The following MEF2D variants were observed in gnomAD, a reference collection of about 807,000 sequenced individuals.
MEF2D encodes the protein myocyte enhancer factor 2D, also known as myocyte-specific enhancer factor 2D.
In MEF2D, 10 loss-of-function variants were observed where a neutral mutation model predicts 59.3. The observed-to-expected ratio is 0.17, with a 90% CI of 0.10 to 0.29. MEF2D has a LOEUF of 0.29. Among genes scored for constraint, MEF2D ranks in the 10% least tolerant of loss-of-function variants. The pLI, the probability that MEF2D is intolerant of heterozygous loss-of-function variation, is 1.00. For synonymous variants in MEF2D, 305 were observed against 295.0 expected (o/e 1.03, Z -0.35); for missense variants, 508 against 699.4 (o/e 0.73, Z 3.09).
chr1:156,499,423 A>AG (rs929623322), intron 1 of MEF2D: 8 of 152,168 alleles, frequency 5.3e-5, no homozygotes, highest in African/African-American at 1.7e-4. Flanking sequence ...CCCATTCAGA[A>AG]GGGCAAACCT....
chr1:156,494,044 G>A (rs1228559663), intron 1 of MEF2D, among the ~76,000 whole-genome samples: 1 of 152,156 alleles, frequency 6.6e-6, no homozygotes, highest in Non-Finnish European at 1.5e-5. Flanking sequence ...ATAGGTTAAG[G>A]AGAGAGGTGA....
At chr1:156,483,782 C>T (rs988748125) in intron 1 of MEF2D, among the ~76,000 whole-genome samples, 1 of 152,226 alleles carries the variant, frequency 6.6e-6, no homozygotes, top group African/African-American at 2.4e-5. Context: ...GCTCCAGCTG[C>T]TCCTCTGGCC....
rs1339185744 is a variant in MEF2D at position 156,492,734 on chromosome 1, GTC to G, written c.-139+7750_-139+7751del. Among the ~76,000 whole-genome samples, 27 of 152,334 alleles carry G rather than the reference GTC, an allele frequency of 1.8e-4. No homozygotes were observed. In the South Asian group the frequency reaches 2.5e-3, roughly 14 times the overall value. ...TGGGGGCGGTTGGGACGGTTAGTGTGTCACCTTCCACCTCCCCAACACAACTT... is the reference window on the plus strand; with the variant it reads ...TGGGGGCGGTTGGGACGGTTAGTGTGACCTTCCACCTCCCCAACACAACTT... On this transcript the variant is annotated intron_variant, in intron 1 of 11. Coordinates refer to ENST00000348159, the MANE Select transcript of MEF2D (RefSeq NM_005920.4).
At chr1:156,470,915 G>A (rs1366746612) in intron 9 of MEF2D, among the ~76,000 whole-genome samples, 1 of 152,154 alleles carries the variant, frequency 6.6e-6, no homozygotes, top group African/African-American at 2.4e-5. Flanking sequence ...GCTAAGACAG[G>A]ACCCCAGGAC....
intron 6 of MEF2D, 21 bp downstream of exon 6, chr1:156,479,269 T>G (rs1397093305): frequency 2.5e-6 from 4 of 1,599,260 alleles, no homozygotes. Context: ...CACCTCCAGG[T>G]AGAAGGATGA....
chr1:156,499,787 C>G (rs1014217034), intron 1 of MEF2D, among the ~76,000 whole-genome samples: 1 of 152,132 alleles, frequency 6.6e-6, no homozygotes, highest in Non-Finnish European at 1.5e-5. Flanking sequence ...CATCAGGGGT[C>G]TCGGAAGCGG....
intron 9 of MEF2D, among the ~76,000 whole-genome samples, chr1:156,469,895 T>C (rs1305191675): frequency 6.6e-6 from 1 of 151,554 alleles, no homozygotes; most frequent in South Asian, 2.1e-4. Flanking sequence ...AAAAAAATCA[T>C]GTGTAGGTAT....
chr1:156,478,526 G>A (rs1671767713), intron 6 of MEF2D, among the ~76,000 whole-genome samples: 1 of 152,130 alleles, frequency 6.6e-6, no homozygotes, highest in Non-Finnish European at 1.5e-5. Flanking sequence ...CCTTTCTTCT[G>A]TGGCTTATTT....
At chr1:156,498,475 A>G (rs1397360864) in intron 1 of MEF2D, among the ~76,000 whole-genome samples, 1 of 152,058 alleles carries the variant, frequency 6.6e-6, no homozygotes, top group African/African-American at 2.4e-5. Flanking sequence ...CCTACTATGA[A>G]GTTGTGCCTA....
chr1:156,483,257 G>A lies in MEF2D; in HGVS notation c.36C>T (p.Thr12=), dbSNP rs753966816. 1.3e-5 allele frequency: 21 copies of A among 1,613,924 alleles called. No homozygotes were observed. The highest frequency in any genetic ancestry group is 1.6e-4 in the Middle Eastern group (1 of 6,084). ...GRKKIQIQRI[T]DERNRQVTFT... Reference sequence around the variant, plus strand: ...TCCCTACCTGTCGGTTCCGCTCGTCGGTGATTCGCTGGATCTGAATCTTTT... The same window carrying A: ...TCCCTACCTGTCGGTTCCGCTCGTCAGTGATTCGCTGGATCTGAATCTTTT... The change falls in exon 2 of 12, where the codon ACC becomes ACT. Residue 12 remains threonine (T), a synonymous_variant. Coordinates refer to ENST00000348159, the MANE Select transcript of MEF2D (RefSeq NM_005920.4).
chr1:156,476,670 T>C (rs1415272926), intron 7 of MEF2D, among the ~76,000 whole-genome samples, 156 bp from the exon 8 acceptor site: 1 of 152,136 alleles, frequency 6.6e-6, no homozygotes, highest in Non-Finnish European at 1.5e-5. Context: ...TCCTGACTCA[T>C]TTCCAGAGAT....
In MEF2D at chr1:156,468,146, G is replaced by A. The variant is rs1391255003; in HGVS notation, c.1401C>T (p.Gly467=). The A allele has an allele frequency of 6.2e-6, 10 of 1,613,814 alleles. No individual in the cohort carries two copies. The East Asian group carries it at 1.8e-4, about 29-fold the overall frequency. ...CCCCGGCTGGGCTGCTGAGACCATC[G>A]CCAGGCTCAGGGCGGGCAGCTGGGA... ...AVFPAARPEP[G]DGLSSPAGGS... Residue 467 remains glycine, a synonymous_variant, in exon 11 of 12, where the codon GGC becomes GGT. Transcript: ENST00000348159. This position sits in a 1 kb window ranked among gnomAD's most constrained non-coding sequence, Gnocchi z 4.3.
intron 3 of MEF2D, among the ~76,000 whole-genome samples, chr1:156,481,268 G>A (rs1039562474): frequency 2.0e-5 from 3 of 152,168 alleles, no homozygotes; most frequent in Non-Finnish European, 4.4e-5. Flanking sequence ...CAGGGAAGGG[G>A]CTTCCAGGGG....
At chr1:156,479,262 C>T (rs1388674439) in intron 6 of MEF2D, 28 bp downstream of exon 6, 1 of 1,593,186 alleles carries the variant, frequency 6.3e-7, no homozygotes, top group Admixed American at 1.8e-5. Context: ...CCCTCCCCAC[C>T]TCCAGGTAGA....
Position 156,476,497 on chromosome 1 carries a change from A to G in MEF2D, c.873T>C (p.Asp291=). 6.2e-7 allele frequency: 1 copy of G among 1,612,068 alleles called. No homozygotes were observed. Among genetic ancestry groups the G allele is most frequent in the Non-Finnish European group, 8.5e-7 (1 of 1,179,192 alleles). ...LMHHLTEDHL[D]LNNAQRLGVS... is the part of the protein sequence containing the mutation. Reference sequence around the variant, plus strand: ...AAGAGCTCACAGCCTCACTTACCAGATCTAAATGGTCCTCAGTCTGAGAGC... The same window carrying G: ...AAGAGCTCACAGCCTCACTTACCAGGTCTAAATGGTCCTCAGTCTGAGAGC... The change falls in exon 8 of 12, where the codon GAT becomes GAC. Residue 291 remains aspartate (D), a synonymous_variant. Transcript: ENST00000348159.
In MEF2D at chr1:156,468,090, C is replaced by G. The variant is rs766967743; in HGVS notation, c.1457G>C (p.Gly486Ala). Residue 486 changes from glycine (G) to alanine (A), a missense_variant, in exon 11 of 12, where the codon GGA becomes GCA. Physicochemically the swap from Gly to Ala is moderately conservative, Grantham distance 60 (BLOSUM62 0). Coordinates refer to ENST00000348159, the MANE Select transcript of MEF2D (RefSeq NM_005920.4). The surrounding 1 kb of genome is among the most constrained non-coding windows in gnomAD (Gnocchi z 4.3). ...GSYETGDRDD[G>A]RGDFGPTLGL... ...CAGTGTGGGCCCGAAGTCCCCCCGT[C>G]CGTCATCCCGGTCTCCCGTCTCATA... The G allele has an allele frequency of 1.3e-5, 21 of 1,613,978 alleles. No homozygotes were observed. Among genetic ancestry groups the G allele is most frequent in the African/African-American group, 2.7e-5 (2 of 74,922 alleles).
chr1:156,474,863 T>C (rs1218182165), intron 9 of MEF2D, among the ~76,000 whole-genome samples: 2 of 152,228 alleles, frequency 1.3e-5, no homozygotes, highest in African/African-American at 4.8e-5. Context: ...GGGACATACA[T>C]TAGCAGAAGA....
chr1:156,490,790 G>A (rs1672741568), intron 1 of MEF2D, among the ~76,000 whole-genome samples: 1 of 152,196 alleles, frequency 6.6e-6, no homozygotes, highest in African/African-American at 2.4e-5. Context: ...TCCTGGGATG[G>A]GGTCATCCTG....
intron 3 of MEF2D, 124 bp from the exon 4 acceptor site, chr1:156,481,095 C>A: frequency 4.4e-6 from 6 of 1,378,100 alleles, no homozygotes; most frequent in Non-Finnish European, 6.0e-6. Flanking sequence ...GGGTTCCCAG[C>A]ATCTCCCTGG....
Sources: allele counts gnomAD v4.1 joint callset (sites outside exome capture counted in the v4.1 genomes callset), GRCh38; gene constraint gnomAD v4.1.1; non-coding constraint Gnocchi (gnomAD v3.1); transcripts MANE v1.5; gene names NCBI Gene and HGNC (gene_info 2026-07-23, HGNC 2026-07-21).